MCF2L2: variants seen among roughly 807,000 people sequenced by gnomAD.
MCF2L2 encodes MCF.2 cell line derived transforming sequence-like 2.
In MCF2L2, 102 loss-of-function variants were observed where a neutral mutation model predicts 150.2. The ratio of observed to expected loss-of-function variants is 0.68; its 90% confidence interval spans 0.58 to 0.80. The LOEUF is 0.80. MCF2L2 is among the 30% of genes least tolerant of loss of function. The pLI is 0.00. For synonymous variants in MCF2L2, 465 were observed against 491.3 expected (o/e 0.95, Z 0.71); for missense variants, 1,256 against 1,372.8 (o/e 0.91, Z 1.34).
chr3:183,369,934 G>A lies in MCF2L2; in HGVS notation c.275+9363C>T, dbSNP rs1026022193. Among the ~76,000 whole-genome samples the A allele has an allele frequency of 3.3e-5, 5 of 152,094 alleles. No homozygotes were observed. In the South Asian group the frequency reaches 6.2e-4, roughly 19 times the overall value. The stretch of plus-strand genomic sequence containing the variant: ...ACATTCACAAATTTTATAGCTAATC[G>A]CTCACCCACTAACTTCTCCAACTTC... On this transcript the variant is annotated intron_variant, in intron 3 of 29. Coordinates refer to ENST00000328913, the MANE Select transcript of MCF2L2 (RefSeq NM_015078.4).
intron 1 of MCF2L2, among the ~76,000 whole-genome samples, chr3:183,416,767 T>C (rs1211822168): frequency 6.6e-6 from 1 of 151,994 alleles, no homozygotes; most frequent in East Asian, 1.9e-4. Flanking sequence ...AAATATAAAG[T>C]ACAGCAACTA....
chr3:183,194,702 G>T (rs1390832775), intron 26 of MCF2L2, among the ~76,000 whole-genome samples: 1 of 152,094 alleles, frequency 6.6e-6, no homozygotes, highest in Non-Finnish European at 1.5e-5. Flanking sequence ...GTGGGGTTGG[G>T]AACTGATTTA....
chr3:183,294,821 G>A (rs1209531598), intron 13 of MCF2L2, among the ~76,000 whole-genome samples: 1 of 151,880 alleles, frequency 6.6e-6, no homozygotes, highest in East Asian at 1.9e-4. Context: ...GTATAGATGG[G>A]GTTTCACCGT....
At chr3:183,357,096 T>C (rs561467196) in intron 3 of MCF2L2, among the ~76,000 whole-genome samples, 1 of 152,280 alleles carries the variant, frequency 6.6e-6, no homozygotes, top group African/African-American at 2.4e-5. Context: ...ATCAGTGATT[T>C]GAAGTTTATC....
At chr3:183,329,388 T>C (rs1451359556) in intron 5 of MCF2L2, among the ~76,000 whole-genome samples, 1 of 152,158 alleles carries the variant, frequency 6.6e-6, no homozygotes, top group Non-Finnish European at 1.5e-5. Context: ...GGTTTCACCA[T>C]GTTGGCCAGG....
At chr3:183,364,239 A>G (rs1238939681) in intron 3 of MCF2L2, among the ~76,000 whole-genome samples, 2 of 152,294 alleles carry the variant, frequency 1.3e-5, no homozygotes, top group Middle Eastern at 3.4e-3. Flanking sequence ...GGCAGAGGCC[A>G]GGAGCAGGGG....
intron 2 of MCF2L2, among the ~76,000 whole-genome samples, chr3:183,382,199 C>T (rs184536069): frequency 1.1e-3 from 174 of 152,222 alleles, no homozygotes; most frequent in African/African-American, 3.8e-3. Flanking sequence ...GCTGGGATTA[C>T]AGGCACATGC....
chr3:183,228,188 G>A (rs2108668501), intron 18 of MCF2L2, 109 bp downstream of exon 18: 1 of 761,136 alleles, frequency 1.3e-6, no homozygotes, highest in South Asian at 1.6e-5. Context: ...GAGTCGGAGG[G>A]AAGCAGATAT....
chr3:183,189,486 G>A lies in MCF2L2; in HGVS notation c.3016+3513C>T, dbSNP rs890750171. On this transcript the variant is annotated intron_variant, in intron 27 of 29. Transcript: ENST00000328913. ...ATCTGAGGCTTCCGCATAGTCTTAG[G>A]GGACTGGGAACCGTCTTAAGTGAAT... is the stretch of plus-strand genomic sequence containing the variant. Among the ~76,000 whole-genome samples, 4 of 152,170 alleles carry A rather than the reference G, an allele frequency of 2.6e-5. No homozygotes were observed. The East Asian group carries it at 7.7e-4, about 29-fold the overall frequency.
intron 15 of MCF2L2, among the ~76,000 whole-genome samples, chr3:183,261,351 T>A (rs1725565271): frequency 6.6e-6 from 1 of 152,166 alleles, no homozygotes. Flanking sequence ...ATACTTGGAA[T>A]ATAGAACAAA....
At chr3:183,421,042 T>C (rs868326646) in intron 1 of MCF2L2, among the ~76,000 whole-genome samples, 10 of 152,258 alleles carry the variant, frequency 6.6e-5, no homozygotes, top group South Asian at 2.1e-4. Context: ...TGAGAGTTGG[T>C]TGTTACCCTC....
At chr3:183,354,851 C>T (rs1230737167) in intron 3 of MCF2L2, among the ~76,000 whole-genome samples, 2 of 152,054 alleles carry the variant, frequency 1.3e-5, no homozygotes, top group Non-Finnish European at 2.9e-5. Context: ...CAGAGTTTGG[C>T]CCTTTTGAGT....
At chr3:183,375,965 T>G (rs1181028199) in intron 3 of MCF2L2, 3 of 152,196 alleles carry the variant, frequency 2.0e-5, no homozygotes, top group Non-Finnish European at 4.4e-5. Flanking sequence ...CTTCTCACCC[T>G]TTGTCTCCAC....
rs1281123993 is a variant in MCF2L2 at position 183,297,006 on chromosome 3, C to G, written c.1467G>C (p.Glu489Asp). The change falls in exon 12 of 30, where the codon GAG becomes GAC. Residue 489 changes from glutamate to aspartate, a missense_variant. Transcript: ENST00000328913. ...PLLSPKEFYN[E>D]FELLLTLDAK... ...CATCGAGGGTGAGCAGCAACTCAAA[C>G]TCGTTGTAAAACTCCTTGGGGCTGA... 2.5e-6 allele frequency: 4 copies of G among 1,613,840 alleles called. No individual in the cohort carries two copies. The highest frequency in any genetic ancestry group is 2.2e-5 in the East Asian group (1 of 44,886).
At chr3:183,410,352 G>T (rs983120455) in intron 1 of MCF2L2, among the ~76,000 whole-genome samples, 3 of 152,178 alleles carry the variant, frequency 2.0e-5, no homozygotes, top group Non-Finnish European at 4.4e-5. Flanking sequence ...ATTGGGCCTT[G>T]AACTCCCCTC....
In MCF2L2 at chr3:183,207,834, C is replaced by T; in HGVS notation, c.2497-11G>A. The T allele has an allele frequency of 3.1e-6, 5 of 1,601,816 alleles. No individual in the cohort carries two copies. The highest frequency in any genetic ancestry group is 4.3e-6 in the Non-Finnish European group (5 of 1,169,530). On this transcript the variant is annotated splice_polypyrimidine_tract_variant and intron_variant, in intron 22 of 29. Coordinates refer to ENST00000328913, the MANE Select transcript of MCF2L2 (RefSeq NM_015078.4). ...TTTTCCAATATCGTCCTTTTGGAAA[C>T]ACACATACAGGAAAAGAAGCTGTAA...
chr3:183,336,624 G>T (rs1270781395), intron 5 of MCF2L2, among the ~76,000 whole-genome samples: 4 of 151,638 alleles, frequency 2.6e-5, no homozygotes, highest in Non-Finnish European at 4.4e-5. Context: ...GAGGTGGGTG[G>T]ATCACCTGAG....
chr3:183,365,780 C>CA (rs1712486577), intron 3 of MCF2L2, among the ~76,000 whole-genome samples: 1 of 151,590 alleles, frequency 6.6e-6, no homozygotes, highest in South Asian at 2.1e-4. Flanking sequence ...TTCTTCACGG[C>CA]AAAAAAACAT....
intron 13 of MCF2L2, among the ~76,000 whole-genome samples, chr3:183,292,553 A>C (rs1052415740): frequency 7.0e-6 from 1 of 142,142 alleles, no homozygotes; most frequent in African/African-American, 2.9e-5. Flanking sequence ...ATAAGGGGGT[A>C]TGTACACACA....
Sources: gnomAD v4.1 joint callset for allele counts (sites outside exome capture counted in the v4.1 genomes callset) on GRCh38, gnomAD v4.1.1 for gene constraint, MANE v1.5 for transcripts, NCBI Gene and HGNC (gene_info 2026-07-23, HGNC 2026-07-21) for gene names.